Variants in ADGRG3 observed in about 807,000 individuals in gnomAD.
The protein encoded by ADGRG3 is adhesion G protein-coupled receptor G3, also known as G protein-coupled receptor 97.
Under a neutral mutation model 54.3 loss-of-function variants are expected in ADGRG3, and 39 were observed. That is an observed-to-expected ratio of 0.72 (90% CI 0.56 to 0.94). The LOEUF (loss-of-function observed/expected upper bound fraction) is 0.94. Ranked by LOEUF, ADGRG3 falls within the 40% of genes least tolerant of loss-of-function variation. The pLI, the probability that ADGRG3 is intolerant of heterozygous loss-of-function variation, is 0.00. For synonymous variants in ADGRG3, 312 were observed against 290.0 expected (o/e 1.08, Z -0.77); for missense variants, 654 against 694.6 (o/e 0.94, Z 0.66).
At position 57,684,095 on chromosome 16, in the gene ADGRG3, C is replaced by G; in HGVS notation, c.1045C>G (p.Leu349Val). 6.2e-7 allele frequency: 1 copy of G among 1,614,100 alleles called. No individual in the cohort carries two copies. The highest frequency in any genetic ancestry group is 8.5e-7 in the Non-Finnish European group (1 of 1,179,992). ...WARGAVFHYF[L>V]LCAFTWMGLE... ...CCGGGGGGCTGTCTTCCACTACTTC[C>G]TGCTCTGTGCCTTCACCTGGATGGG... Residue 349 changes from leucine (L) to valine (V), a missense_variant, in exon 9 of 12, where the codon CTG (leucine) becomes GTG (valine). Leu to Val is a conservative substitution (Grantham distance 32). Transcript: ENST00000333493.
intron 11 of ADGRG3, 53 bp from the exon 12 acceptor site, chr16:57,688,299 C>T (rs2048514200): frequency 8.6e-7 from 1 of 1,156,844 alleles, no homozygotes; most frequent in East Asian, 2.3e-5. Context: ...CCAGGCTGCC[C>T]CACTCTCTGC....
chr16:57,684,329 A>T (rs939381426), intron 9 of ADGRG3, 61 bp from the exon 10 acceptor site: 25 of 1,563,980 alleles, frequency 1.6e-5, no homozygotes, highest in Non-Finnish European at 5.3e-6. Context: ...TCTGGAGGGG[A>T]CGTGGAGGAG....
chr16:57,669,497 G>A (rs2048114296), intron 1 of ADGRG3, among the ~76,000 whole-genome samples: 1 of 152,300 alleles, frequency 6.6e-6, no homozygotes, highest in Admixed American at 6.5e-5. Flanking sequence ...GCGTCCTCAG[G>A]TCCCAGCTGT....
Position 57,688,459 on chromosome 16 carries a change from T to C in ADGRG3, c.1648T>C (p.Ter550GlnextTer59). 6.3e-7 allele frequency: 1 copy of C among 1,575,054 alleles called. No individual in the cohort carries two copies. Among genetic ancestry groups the C allele is most frequent in the Non-Finnish European group, 8.7e-7 (1 of 1,144,512 alleles). The change falls in exon 12 of 12, where the codon TAG becomes CAG. Residue 550 changes from the stop codon to glutamine (Q), a stop_lost. Transcript: ENST00000333493. ...LDQAHSASQE[*>Q] is the part of the protein sequence containing the mutation. The stretch of plus-strand genomic sequence containing the variant: ...CCAGGCCCACTCCGCATCTCAAGAA[T>C]AGGAAGGCACGGCCCTGCAATATGG...
At chr16:57,671,335 T>G (rs2048153058) in intron 1 of ADGRG3, among the ~76,000 whole-genome samples, 1 of 118,624 alleles carries the variant, frequency 8.4e-6, no homozygotes, top group Admixed American at 7.6e-5. Context: ...AATAGGAGTT[T>G]TTTTTTTTTT....
At position 57,685,804 on chromosome 16, in the gene ADGRG3, GGAA is replaced by G. The variant is rs746402183; in HGVS notation, c.1423_1425del (p.Lys475del). 1 of 1,614,176 alleles carries G rather than the reference GGAA, an allele frequency of 6.2e-7. No individual in the cohort carries two copies. The highest frequency in any genetic ancestry group is 8.5e-7 in the Non-Finnish European group (1 of 1,180,040). On this transcript the variant is annotated inframe_deletion, in exon 11 of 12. Coordinates refer to ENST00000333493, the MANE Select transcript of ADGRG3 (RefSeq NM_170776.5). The stretch of plus-strand genomic sequence containing the variant: ...GCGGTCAAGGAGCGGGGGAAGAACC[GGAA>G]GAAGGTGCTCACCCTGCTGGGCCTC...
Position 57,671,340 on chromosome 16 carries a change from T to C in ADGRG3, c.59-1981T>C, listed in dbSNP as rs1387501218. ...AAAGTCCTAGAATAGGAGTTTTTTT[T>C]TTTTTTTTTTTTTTTTTCGAGACAG... On this transcript the variant is annotated intron_variant, in intron 1 of 11. Coordinates refer to ENST00000333493, the MANE Select transcript of ADGRG3 (RefSeq NM_170776.5). 6.9e-5 allele frequency among the ~76,000 whole-genome samples: 10 copies of C among 144,860 alleles called. No individual in the cohort carries two copies. The East Asian group carries it at 2.0e-3, about 29-fold the overall frequency.
intron 1 of ADGRG3, among the ~76,000 whole-genome samples, chr16:57,672,506 C>T (rs145997688): frequency 6.6e-6 from 1 of 152,292 alleles, no homozygotes; most frequent in East Asian, 1.9e-4. Context: ...CTATGTATGT[C>T]CTTTATCTCT....
At chr16:57,687,189 C>T (rs1430467935) in intron 11 of ADGRG3, among the ~76,000 whole-genome samples, 1 of 152,174 alleles carries the variant, frequency 6.6e-6, no homozygotes, top group Non-Finnish European at 1.5e-5. Context: ...CAGCAAGTCA[C>T]TCAGCTCCTT....
At chr16:57,679,444 T>G in intron 5 of ADGRG3, 133 bp downstream of exon 5, 1 of 1,015,280 alleles carries the variant, frequency 9.8e-7, no homozygotes, top group East Asian at 2.5e-5. Context: ...GAGGAGCCAT[T>G]AGGGCCATAC....
At chr16:57,677,883 G>A (rs2048291928) in intron 3 of ADGRG3, among the ~76,000 whole-genome samples, 1 of 152,208 alleles carries the variant, frequency 6.6e-6, no homozygotes, top group Admixed American at 6.5e-5. Context: ...CCTCATACTT[G>A]CACATTCAGC....
intron 1 of ADGRG3, among the ~76,000 whole-genome samples, chr16:57,670,381 A>C (rs1159997128): frequency 6.6e-6 from 1 of 152,102 alleles, no homozygotes; most frequent in Non-Finnish European, 1.5e-5. Flanking sequence ...GCTGAAATTC[A>C]TGGCAATCCG....
chr16:57,673,991 G>T (rs2048212494), intron 2 of ADGRG3, among the ~76,000 whole-genome samples: 1 of 152,202 alleles, frequency 6.6e-6, no homozygotes. Flanking sequence ...CGATGGGTGG[G>T]AGATAGGACT....
rs2048322767 is a variant in ADGRG3, at chr16:57,679,380, G to T, written c.627+69G>T. The T allele has an allele frequency of 3.2e-6, 5 of 1,543,480 alleles. No individual in the cohort carries two copies. The African/African-American group carries it at 6.8e-5, about 21-fold the overall frequency. On this transcript the variant is annotated intron_variant, in intron 5 of 11. Transcript: ENST00000333493. Reference sequence around the variant, plus strand: ...GGCGAGTGGGCACACCTGGGCCCATGGGCCCTGCATGGGACACTACATATC... The same window carrying T: ...GGCGAGTGGGCACACCTGGGCCCATTGGCCCTGCATGGGACACTACATATC...
chr16:57,681,491 C>T (rs992893043), intron 8 of ADGRG3, among the ~76,000 whole-genome samples: 1 of 152,094 alleles, frequency 6.6e-6, no homozygotes. Context: ...GAGGCCGAGG[C>T]AGGTAGATCA....
intron 1 of ADGRG3, among the ~76,000 whole-genome samples, chr16:57,671,332 GTTTTTTTT>G (rs60592653): frequency 1.2e-5 from 1 of 86,358 alleles, no homozygotes; most frequent in East Asian, 4.2e-4. Flanking sequence ...TAGAATAGGA[GTTTTTTTT>G]TTTTTTTTTT....
chr16:57,683,428 T>TTTTACATTACA (rs1567860375), intron 8 of ADGRG3, among the ~76,000 whole-genome samples: 1 of 152,244 alleles, frequency 6.6e-6, no homozygotes, highest in Non-Finnish European at 1.5e-5. Flanking sequence ...TTCTCTCTAA[T>TTTTACATTACA]GTAAATGCCC....
chr16:57,682,085 C>T (rs763628413), intron 8 of ADGRG3, among the ~76,000 whole-genome samples: 3 of 152,244 alleles, frequency 2.0e-5, no homozygotes, highest in Non-Finnish European at 4.4e-5. Context: ...GAACCCCTGG[C>T]CCCTGACTTA....
In ADGRG3 at chr16:57,673,453, T is replaced by C. The variant is rs2048199049; in HGVS notation, c.191T>C (p.Val64Ala). 1 of 1,604,928 alleles carries C rather than the reference T, an allele frequency of 6.2e-7. No homozygotes were observed. Among genetic ancestry groups the C allele is most frequent in the South Asian group, 1.1e-5 (1 of 90,882 alleles). ...CAGTCGGGCAGCGACTCCTGCAATGTGGAAAACTTGCAGAGGTGAGGGGGC... is the reference window on the plus strand; with the variant it reads ...CAGTCGGGCAGCGACTCCTGCAATGCGGAAAACTTGCAGAGGTGAGGGGGC... Reference protein sequence around the residue: ...CRQSGSDSCNVENLQRYWLNY... With the variant: ...CRQSGSDSCNAENLQRYWLNY... The change falls in exon 2 of 12, where the codon GTG (valine) becomes GCG (alanine). Residue 64 changes from valine to alanine, a missense_variant. Transcript: ENST00000333493.
Sources: allele counts gnomAD v4.1 joint callset (sites outside exome capture counted in the v4.1 genomes callset), GRCh38; gene constraint gnomAD v4.1.1; transcripts MANE v1.5; gene names NCBI Gene and HGNC (gene_info 2026-07-23, HGNC 2026-07-21).